XRCC4: variants seen among roughly 807,000 people sequenced by gnomAD.
XRCC4 encodes the protein X-ray repair cross complementing 4.
Under a neutral mutation model 39.1 loss-of-function variants are expected in XRCC4, and 28 were observed. That is an observed-to-expected ratio of 0.72 (90% CI 0.53 to 0.98). XRCC4 has a LOEUF of 0.98. Among genes scored for constraint, XRCC4 ranks in the 50% least tolerant of loss-of-function variants. The pLI is 0.00. For synonymous variants in XRCC4, 123 were observed against 126.4 expected (o/e 0.97, Z 0.18); for missense variants, 350 against 376.4 (o/e 0.93, Z 0.58).
At chr5:83,357,300 G>A (rs1757201212), downstream of XRCC4, among the ~76,000 whole-genome samples, 1 of 152,186 alleles carries the variant, frequency 6.6e-6, no homozygotes, top group Non-Finnish European at 1.5e-5. Flanking sequence ...GAGTATATGG[G>A]AGGGGATTGC....
chr5:83,138,342 C>G (rs1356590846), intron 3 of XRCC4, among the ~76,000 whole-genome samples: 1 of 152,118 alleles, frequency 6.6e-6, no homozygotes, highest in Non-Finnish European at 1.5e-5. Context: ...TAACCTTTTA[C>G]TATATCTGGA....
intron 3 of XRCC4, among the ~76,000 whole-genome samples, chr5:83,113,830 G>A (rs957268071): frequency 5.9e-5 from 9 of 152,120 alleles, no homozygotes; most frequent in Non-Finnish European, 1.0e-4. Context: ...GTTTCACCAT[G>A]TTAGCCAAGA....
intron 6 of XRCC4, among the ~76,000 whole-genome samples, chr5:83,237,842 C>T (rs1752748337): frequency 6.6e-6 from 1 of 151,558 alleles, no homozygotes; most frequent in Non-Finnish European, 1.5e-5. Context: ...ATCACATGTA[C>T]CCCATAAATA....
intron 7 of XRCC4, among the ~76,000 whole-genome samples, chr5:83,277,246 T>C (rs1754367323): frequency 6.6e-6 from 1 of 152,228 alleles, no homozygotes; most frequent in Non-Finnish European, 1.5e-5. Context: ...CTCTCTGCCT[T>C]CTGGGCACAT....
intron 4 of XRCC4, among the ~76,000 whole-genome samples, chr5:83,203,104 G>A (rs1443787244): frequency 6.6e-6 from 1 of 152,044 alleles, no homozygotes; most frequent in Non-Finnish European, 1.5e-5. Context: ...TTGTTGTGGA[G>A]CAGTTTGTTG....
At chr5:83,280,424 G>A in intron 7 of XRCC4, 3 of 649,574 alleles carry the variant, frequency 4.6e-6, no homozygotes, top group Non-Finnish European at 8.5e-6. Context: ...TTTATTAATG[G>A]TGCCGCAATT....
intron 6 of XRCC4, among the ~76,000 whole-genome samples, chr5:83,232,338 C>A (rs1299583414): frequency 6.6e-6 from 1 of 152,034 alleles, no homozygotes; most frequent in Non-Finnish European, 1.5e-5. Flanking sequence ...TTTTGCTTCC[C>A]ACCATCATCA....
chr5:83,183,984 T>C (rs1403837500), intron 3 of XRCC4, among the ~76,000 whole-genome samples: 1 of 152,136 alleles, frequency 6.6e-6, no homozygotes, highest in Non-Finnish European at 1.5e-5. Flanking sequence ...AAAGTAAATA[T>C]TACAAGTTTT....
At chr5:83,087,658 G>A (rs2112301966) in intron 1 of XRCC4, among the ~76,000 whole-genome samples, 1 of 151,560 alleles carries the variant, frequency 6.6e-6, no homozygotes, top group South Asian at 2.1e-4. Flanking sequence ...GTGAGACCCT[G>A]TGTCAAAAAA....
At chr5:83,129,000 T>C (rs1176229273) in intron 3 of XRCC4, among the ~76,000 whole-genome samples, 1 of 152,300 alleles carries the variant, frequency 6.6e-6, no homozygotes, top group East Asian at 1.9e-4. Context: ...TTTGTCAATT[T>C]TGGCTTTTGT....
intron 3 of XRCC4, among the ~76,000 whole-genome samples, chr5:83,127,028 A>G (rs1054198435): frequency 6.6e-6 from 1 of 152,066 alleles, no homozygotes; most frequent in African/African-American, 2.4e-5. Flanking sequence ...TTTTACAGGG[A>G]AATTTGCTTA....
rs186407042 is a variant in XRCC4, at chr5:83,105,343, T to A, written c.139+285T>A. ...CTTTATAGAAAATATAAATAGTACT[T>A]TCTAAATACATCTTTTCTCAGGACC... On this transcript the variant is annotated intron_variant, in intron 2 of 7. Coordinates refer to ENST00000396027, the MANE Select transcript of XRCC4 (RefSeq NM_003401.5). Among the ~76,000 whole-genome samples the A allele has an allele frequency of 3.3e-5, 5 of 152,310 alleles. 1 individual carries two copies. Among genetic ancestry groups the A allele is most frequent in the Middle Eastern group, 3.4e-3 (1 of 294 alleles).
At chr5:83,127,646 T>G (rs1747337633) in intron 3 of XRCC4, among the ~76,000 whole-genome samples, 1 of 152,100 alleles carries the variant, frequency 6.6e-6, no homozygotes, top group African/African-American at 2.4e-5. Context: ...TTCAACAGTG[T>G]GAGGAAATGG....
At chr5:83,196,517 T>TA (rs1750954751) in intron 4 of XRCC4, among the ~76,000 whole-genome samples, 1 of 151,938 alleles carries the variant, frequency 6.6e-6, no homozygotes, top group South Asian at 2.1e-4. Context: ...AATTTTTTTT[T>TA]AAATTATGAA....
intron 3 of XRCC4, among the ~76,000 whole-genome samples, chr5:83,111,996 A>C (rs907259193): frequency 1.3e-5 from 2 of 152,202 alleles, no homozygotes; most frequent in African/African-American, 4.8e-5. Flanking sequence ...AAATTCTTTT[A>C]AATCAACCTT....
chr5:83,307,679 C>A (rs192241837), intron 7 of XRCC4, among the ~76,000 whole-genome samples: 1 of 151,906 alleles, frequency 6.6e-6, no homozygotes, highest in Admixed American at 6.6e-5. Flanking sequence ...TTCAGAAGCA[C>A]AGAGATAGAA....
At chr5:83,263,969 A>G (rs1310718774) in intron 7 of XRCC4, among the ~76,000 whole-genome samples, 1 of 152,060 alleles carries the variant, frequency 6.6e-6, no homozygotes, top group Admixed American at 6.6e-5. Context: ...TAGGGTTTTT[A>G]TGGTTTTAGG....
intron 1 of XRCC4, among the ~76,000 whole-genome samples, chr5:83,090,619 G>T (rs1450053874): frequency 1.3e-5 from 2 of 152,084 alleles, no homozygotes. Flanking sequence ...AGGGAGGAGG[G>T]TCTGAAAATC....
chr5:83,151,396 G>A (rs2112553649), intron 3 of XRCC4, among the ~76,000 whole-genome samples: 1 of 152,184 alleles, frequency 6.6e-6, no homozygotes, highest in Admixed American at 6.5e-5. Flanking sequence ...CATATAAAAA[G>A]GAAGAACTGT....
Sources: allele counts gnomAD v4.1 joint callset (sites outside exome capture counted in the v4.1 genomes callset), GRCh38; gene constraint gnomAD v4.1.1; transcripts MANE v1.5; gene names NCBI Gene and HGNC (gene_info 2026-07-23, HGNC 2026-07-21).